Variants in GHRHR observed in about 807,000 individuals in gnomAD.
GHRHR encodes growth hormone releasing hormone receptor.
GHRHR carries 40 observed loss-of-function variants against 58.3 expected under a neutral mutation model. The ratio of observed to expected loss-of-function variants is 0.69; its 90% CI spans 0.53 to 0.89. The LOEUF (loss-of-function observed/expected upper bound fraction) is 0.89, where lower values mean the gene tolerates loss of function less well. Among genes scored for constraint, GHRHR ranks in the 40% least tolerant of loss-of-function variants. GHRHR has a pLI of 0.00. For synonymous variants in GHRHR, 249 were observed against 216.6 expected, an observed-to-expected ratio of 1.15 and a Z score of -1.31; for missense variants, 551 against 541.3, an observed-to-expected ratio of 1.02 and a Z score of -0.18.
At chr7:30,966,386 G>A (rs1252173970) in intron 1 of GHRHR, among the ~76,000 whole-genome samples, 2 of 114,646 alleles carry the variant, frequency 1.7e-5, no homozygotes, top group Admixed American at 8.5e-5. Context: ...GACATTGAGG[G>A]TGTGTGTGTG....
At chr7:30,967,572 T>C (rs1792382291) in intron 1 of GHRHR, among the ~76,000 whole-genome samples, 2 of 136,260 alleles carry the variant, frequency 1.5e-5, no homozygotes. Flanking sequence ...TCATCCACCA[T>C]GCACCCATCC....
chr7:30,965,834 C>CG (rs1792336392), intron 1 of GHRHR, among the ~76,000 whole-genome samples: 1 of 152,222 alleles, frequency 6.6e-6, no homozygotes, highest in African/African-American at 2.4e-5. Flanking sequence ...CATACAGGCC[C>CG]ATCTGCCCTC....
chr7:30,966,696 A>G (rs1000200624), intron 1 of GHRHR, among the ~76,000 whole-genome samples: 4 of 151,582 alleles, frequency 2.6e-5, no homozygotes, highest in South Asian at 2.1e-4. Flanking sequence ...AGGCTGGAGT[A>G]CAGTGGCACA....
chr7:30,967,605 C>A (rs1021205520), intron 1 of GHRHR, among the ~76,000 whole-genome samples: 2 of 152,142 alleles, frequency 1.3e-5, no homozygotes, highest in Non-Finnish European at 2.9e-5. Context: ...ATCTGTCTAT[C>A]CATCCATCCA....
In GHRHR at chr7:30,966,567, T is replaced by C. The variant is rs147034074; in HGVS notation, c.58-2267T>C. Reference sequence around the variant, plus strand: ...TAAAAAATGCTCCCTTGTCCCCAGGTCCAGCTCAAATGCCACCTCCCCAAT... The same window carrying C: ...TAAAAAATGCTCCCTTGTCCCCAGGCCCAGCTCAAATGCCACCTCCCCAAT... On this transcript the variant is annotated intron_variant, in intron 1 of 12. Transcript: ENST00000326139. Among the ~76,000 whole-genome samples, 592 of 152,162 alleles carry C rather than the reference T, an allele frequency of 3.9e-3. 5 individuals are homozygous for C. The highest frequency in any genetic ancestry group is 0.014 in the African/African-American group (561 of 41,508).
intron 7 of GHRHR, 77 bp from the exon 8 acceptor site, chr7:30,974,352 G>T: frequency 8.5e-7 from 1 of 1,170,926 alleles, no homozygotes; most frequent in Non-Finnish European, 1.3e-6. Flanking sequence ...GGCTGATGGT[G>T]GTGGTGGGAG....
At chr7:30,974,882 C>G (rs1792546288) in intron 8 of GHRHR, 89 bp from the exon 9 acceptor site, 1 of 873,214 alleles carries the variant, frequency 1.1e-6, no homozygotes, top group Non-Finnish European at 2.0e-6. Context: ...TGGGTGAGAC[C>G]AGAAGGCATG....
chr7:30,976,610 G>A, intron 11 of GHRHR, 52 bp downstream of exon 11: 4 of 1,567,860 alleles, frequency 2.6e-6, no homozygotes, highest in Non-Finnish European at 2.6e-6. Context: ...CTGGAGGGAG[G>A]TGCTGTTGCC....
intron 4 of GHRHR, among the ~76,000 whole-genome samples, chr7:30,970,688 CT>C (rs1354843084): frequency 6.6e-6 from 1 of 152,220 alleles, no homozygotes; most frequent in African/African-American, 2.4e-5. Context: ...CCACGGAAAC[CT>C]TTTGCCTGCC....
chr7:30,977,672 G>T (rs1034756613), intron 12 of GHRHR, among the ~76,000 whole-genome samples: 26 of 152,110 alleles, frequency 1.7e-4, no homozygotes, highest in African/African-American at 4.6e-4. Context: ...TGGGGAGGGG[G>T]TACGCCAGCT....
intron 6 of GHRHR, among the ~76,000 whole-genome samples, chr7:30,972,922 T>C (rs78969364): frequency 6.6e-6 from 1 of 152,354 alleles, no homozygotes; most frequent in East Asian, 1.9e-4. Context: ...TTTACATATG[T>C]AGTTGTCCCT....
At chr7:30,970,990 G>A (rs1357958161) in intron 4 of GHRHR, 129 bp from the exon 5 acceptor site, 6 of 701,248 alleles carry the variant, frequency 8.6e-6, no homozygotes, top group East Asian at 2.7e-5. Context: ...TGGTACTCGC[G>A]GACACCTCTG....
intron 12 of GHRHR, among the ~76,000 whole-genome samples, chr7:30,977,860 A>G (rs929711937): frequency 1.3e-5 from 2 of 152,236 alleles, no homozygotes; most frequent in African/African-American, 2.4e-5. Context: ...GGGGAGATAG[A>G]CATGAAAAGA....
intron 12 of GHRHR, 133 bp downstream of exon 12, chr7:30,977,455 A>G: frequency 1.3e-6 from 1 of 799,576 alleles, no homozygotes; most frequent in African/African-American, 1.7e-5. Context: ...CTTTTGTGGT[A>G]GTCTGTCCTG....
At chr7:30,968,640 C>CCCTTCCTTCCTT (rs760999972) in intron 1 of GHRHR, among the ~76,000 whole-genome samples, 194 bp from the exon 2 acceptor site, 12 of 81,872 alleles carry the variant, frequency 1.5e-4, no homozygotes, top group African/African-American at 5.7e-4. Flanking sequence ...CTCCCTCCCT[C>CCCTTCCTTCCTT]CCTTCCTTCC....
rs201978703 is a variant in GHRHR at position 30,968,911 on chromosome 7, A to T, written c.135A>T (p.Ala45=). ...ATGAGAGTGCCTGTCTACAAGCAGC[A>T]GAGGAGATGCCCAACACCACCCTGG... is the stretch of plus-strand genomic sequence containing the variant. ...REDESACLQA[A]EEMPNTTLGC... is the part of the protein sequence containing the mutation. The change falls in exon 2 of 13, where the codon GCA becomes GCT. Residue 45 remains alanine, a synonymous_variant. Transcript: ENST00000326139. 1 of 1,613,526 alleles carries T rather than the reference A, an allele frequency of 6.2e-7. No individual in the cohort carries two copies. Among genetic ancestry groups the T allele is most frequent in the Non-Finnish European group, 8.5e-7 (1 of 1,179,550 alleles).
At position 30,979,378 on chromosome 7, in the gene GHRHR, T is replaced by C; in HGVS notation, c.*134T>C. The C allele has an allele frequency of 1.2e-6, 1 of 807,324 alleles. No homozygotes were observed. The highest frequency in any genetic ancestry group is 2.1e-6 in the Non-Finnish European group (1 of 487,386). 50.0% of individuals were successfully genotyped at this position (807,324 alleles called of 1,614,324 possible). A position where few individuals can be genotyped will look rare whatever the true frequency, so the allele number is the denominator to read the frequency against. ...AGCCCGGGGCAGGTGCAGCCCTTCC[T>C]CCCTGTCTCTGCATCTGACTCTCTT... On this transcript the variant is annotated 3_prime_UTR_variant, in exon 13 of 13. Coordinates refer to ENST00000326139, the MANE Select transcript of GHRHR (RefSeq NM_000823.4).
At chr7:30,964,471 G>T (rs1792300010) in intron 1 of GHRHR, among the ~76,000 whole-genome samples, 1 of 152,188 alleles carries the variant, frequency 6.6e-6, no homozygotes, top group Non-Finnish European at 1.5e-5. Context: ...AATTGGTGAG[G>T]CAAAGTCAGG....
At chr7:30,971,404 C>T (rs1179025133) in intron 5 of GHRHR, among the ~76,000 whole-genome samples, 188 bp downstream of exon 5, 1 of 152,164 alleles carries the variant, frequency 6.6e-6, no homozygotes, top group South Asian at 2.1e-4. Flanking sequence ...TCATTCCTAC[C>T]TCTGCCCCTT....
Sources: allele counts gnomAD v4.1 joint callset (sites outside exome capture counted in the v4.1 genomes callset), GRCh38; gene constraint gnomAD v4.1.1; transcripts MANE v1.5; gene names NCBI Gene and HGNC (gene_info 2026-07-23, HGNC 2026-07-21).